NPAS3: variants seen among roughly 807,000 people sequenced by gnomAD.
NPAS3 encodes the protein neuronal PAS domain protein 3.
In NPAS3, 14 loss-of-function variants were observed where a neutral mutation model predicts 73.1. That is an observed-to-expected ratio of 0.19 (90% CI 0.13 to 0.30). NPAS3 has a LOEUF of 0.30. Among genes scored for constraint, NPAS3 ranks in the 10% least tolerant of loss-of-function variants. The pLI is 1.00. For synonymous variants in NPAS3, 620 were observed against 541.5 expected (o/e 1.14, Z -2.01); for missense variants, 1,096 against 1,250.0 (o/e 0.88, Z 1.86).
intron 4 of NPAS3, among the ~76,000 whole-genome samples, chr14:33,375,670 G>C (rs149958450): frequency 1.3e-5 from 2 of 152,124 alleles, no homozygotes; most frequent in African/African-American, 4.8e-5. Flanking sequence ...TAAGTCTGTT[G>C]TTCACCTCTC....
chr14:33,246,266 G>A (rs773994714), intron 3 of NPAS3, among the ~76,000 whole-genome samples: 1 of 152,068 alleles, frequency 6.6e-6, no homozygotes, highest in Non-Finnish European at 1.5e-5. Context: ...TCGGCCAGGT[G>A]CGGTGGCTCA....
intron 2 of NPAS3, among the ~76,000 whole-genome samples, chr14:33,146,688 G>T (rs965245313): frequency 1.1e-4 from 16 of 152,228 alleles, no homozygotes; most frequent in African/African-American, 3.9e-4. Flanking sequence ...TTGCAGTACA[G>T]TGCCTAGCAC....
intron 2 of NPAS3, among the ~76,000 whole-genome samples, chr14:33,059,866 A>G (rs1247424994): frequency 2.0e-5 from 3 of 152,234 alleles, no homozygotes; most frequent in Non-Finnish European, 4.4e-5. Flanking sequence ...TGGTGCAATC[A>G]TAGCTCACTG....
intron 2 of NPAS3, among the ~76,000 whole-genome samples, chr14:33,209,642 T>A (rs1178747172): frequency 1.3e-5 from 2 of 152,180 alleles, no homozygotes; most frequent in Non-Finnish European, 2.9e-5. Flanking sequence ...CCAGATTAAT[T>A]GATAAATAGT....
intron 4 of NPAS3, among the ~76,000 whole-genome samples, chr14:33,514,638 A>G (rs1450919324): frequency 5.9e-5 from 9 of 152,098 alleles, no homozygotes; most frequent in Non-Finnish European, 1.2e-4. Context: ...AACATGAAAG[A>G]AAGAAATTAT....
intron 5 of NPAS3, among the ~76,000 whole-genome samples, chr14:33,650,946 A>G (rs1221523872): frequency 2.6e-5 from 4 of 152,322 alleles, no homozygotes; most frequent in East Asian, 1.9e-4. Flanking sequence ...TTCCAGCCAC[A>G]TGGAACAAGA....
chr14:33,279,838 C>A (rs1156437694), intron 3 of NPAS3, among the ~76,000 whole-genome samples: 1 of 152,192 alleles, frequency 6.6e-6, no homozygotes, highest in Middle Eastern at 3.4e-3. Context: ...CAGGTTGAAT[C>A]GCACAAAATT....
intron 2 of NPAS3, among the ~76,000 whole-genome samples, chr14:33,139,512 C>T (rs140760581): frequency 2.0e-3 from 302 of 152,064 alleles, no homozygotes; most frequent in African/African-American, 6.7e-3. Flanking sequence ...AAGATGTGGA[C>T]GGGGTGGAGG....
intron 10 of NPAS3, 103 bp from the exon 11 acceptor site, chr14:33,797,354 C>G: frequency 7.7e-7 from 1 of 1,296,916 alleles, no homozygotes. Context: ...TTGAAACTTT[C>G]TAAACTCCAG....
At chr14:33,001,758 C>T (rs2038815122) in intron 1 of NPAS3, among the ~76,000 whole-genome samples, 1 of 152,158 alleles carries the variant, frequency 6.6e-6, no homozygotes, top group Non-Finnish European at 1.5e-5. Context: ...ACCTAGAACT[C>T]CACCCCGAAT....
At chr14:33,785,739 A>G (rs2063151714) in intron 9 of NPAS3, among the ~76,000 whole-genome samples, 1 of 152,004 alleles carries the variant, frequency 6.6e-6, no homozygotes, top group African/African-American at 2.4e-5. Flanking sequence ...CTCTTCATGA[A>G]CTCCCACATC....
chr14:33,286,710 T>G (rs2041890334), intron 3 of NPAS3, among the ~76,000 whole-genome samples: 1 of 152,150 alleles, frequency 6.6e-6, no homozygotes, highest in Non-Finnish European at 1.5e-5. Flanking sequence ...TTAGTTTTTT[T>G]ATTAGGTAGT....
intron 3 of NPAS3, among the ~76,000 whole-genome samples, chr14:33,243,457 C>G (rs1171976532): frequency 6.6e-6 from 1 of 152,072 alleles, no homozygotes; most frequent in Non-Finnish European, 1.5e-5. Context: ...GACCCCTCTT[C>G]CAGCATTTCT....
chr14:32,960,412 A>G (rs748023338), intron 1 of NPAS3, among the ~76,000 whole-genome samples: 4 of 152,208 alleles, frequency 2.6e-5, no homozygotes, highest in Non-Finnish European at 4.4e-5. Context: ...ATTTTTGAAT[A>G]CAAATGGAAG....
At chr14:33,640,745 A>C (rs1016964771) in intron 5 of NPAS3, among the ~76,000 whole-genome samples, 10 of 152,234 alleles carry the variant, frequency 6.6e-5, no homozygotes, top group Non-Finnish European at 1.2e-4. Context: ...ATAATCTGGA[A>C]ACCAGTGCTC....
chr14:33,484,522 C>T (rs2051487200), intron 4 of NPAS3, among the ~76,000 whole-genome samples: 1 of 152,148 alleles, frequency 6.6e-6, no homozygotes, highest in Non-Finnish European at 1.5e-5. Context: ...CCAGAAAGGA[C>T]TGTCAGAATA....
chr14:32,983,109 A>G (rs890746390), intron 1 of NPAS3, among the ~76,000 whole-genome samples: 7 of 152,202 alleles, frequency 4.6e-5, no homozygotes, highest in African/African-American at 1.7e-4. Context: ...GCATATTGCC[A>G]TCATACAAAG....
At chr14:33,662,585 G>A (rs928193612) in intron 5 of NPAS3, among the ~76,000 whole-genome samples, 2 of 152,180 alleles carry the variant, frequency 1.3e-5, no homozygotes, top group Middle Eastern at 3.2e-3. Flanking sequence ...CCATGAGCAT[G>A]GAATGTTCTT....
At chr14:32,959,421 A>G (rs2036816257) in intron 1 of NPAS3, among the ~76,000 whole-genome samples, 2 of 152,252 alleles carry the variant, frequency 1.3e-5, no homozygotes, top group African/African-American at 4.8e-5. Context: ...AACCTAAGTA[A>G]TGACCTTGAG....
Sources: allele counts gnomAD v4.1 joint callset (sites outside exome capture counted in the v4.1 genomes callset), GRCh38; gene constraint gnomAD v4.1.1; transcripts MANE v1.5; gene names NCBI Gene and HGNC (gene_info 2026-07-23, HGNC 2026-07-21).